Variants in TTLL7 observed in about 807,000 individuals in gnomAD.
The protein encoded by TTLL7 is tubulin tyrosine ligase like 7, also known as tubulin polyglutamylase TTLL7.
TTLL7 carries 53 observed loss-of-function variants against 120.2 expected under a neutral mutation model. That is an observed-to-expected ratio of 0.44 (90% CI 0.35 to 0.55). TTLL7 has a LOEUF of 0.55. TTLL7 is among the 20% of genes least tolerant of loss of function. The pLI, the probability that TTLL7 is intolerant of heterozygous loss-of-function variation, is 0.00. For synonymous variants in TTLL7, 353 were observed against 351.7 expected (o/e 1.00, Z -0.04); for missense variants, 803 against 1,054.7 (o/e 0.76, Z 3.31).
At chr1:83,893,515 G>T (rs1188189650) in intron 18 of TTLL7, among the ~76,000 whole-genome samples, 1 of 144,744 alleles carries the variant, frequency 6.9e-6, no homozygotes. Context: ...AAGATGAAAA[G>T]GGAAAAAGAC....
At chr1:83,915,964 T>C (rs1052940258) in intron 14 of TTLL7, among the ~76,000 whole-genome samples, 1 of 152,172 alleles carries the variant, frequency 6.6e-6, no homozygotes, top group African/African-American at 2.4e-5. Flanking sequence ...CCAGTTAGAA[T>C]GGCCATCAGT....
chr1:83,899,431 C>T (rs1318730264), intron 18 of TTLL7, among the ~76,000 whole-genome samples: 1 of 151,916 alleles, frequency 6.6e-6, no homozygotes, highest in Non-Finnish European at 1.5e-5. Context: ...CATTCCTCAG[C>T]GACTTTCAGG....
At chr1:83,920,264 G>T (rs1363253579) in intron 12 of TTLL7, among the ~76,000 whole-genome samples, 1 of 152,060 alleles carries the variant, frequency 6.6e-6, no homozygotes, top group East Asian at 1.9e-4. Flanking sequence ...GAAATGGTTG[G>T]GGAAGAATGG....
chr1:83,952,139 T>G (rs773336571), intron 2 of TTLL7, 48 bp downstream of exon 2: 1 of 1,562,252 alleles, frequency 6.4e-7, no homozygotes, highest in South Asian at 1.1e-5. Flanking sequence ...ACAGTAATGA[T>G]GTATAACACC....
intron 1 of TTLL7, among the ~76,000 whole-genome samples, chr1:83,982,396 GA>G (rs1291578893): frequency 3.3e-5 from 5 of 151,344 alleles, no homozygotes; most frequent in African/African-American, 9.7e-5. Flanking sequence ...AAAGTAGACA[GA>G]AAAAAAACTT....
chr1:83,978,622 A>G (rs1223141213), intron 1 of TTLL7, among the ~76,000 whole-genome samples: 1 of 152,182 alleles, frequency 6.6e-6, no homozygotes, highest in Non-Finnish European at 1.5e-5. Flanking sequence ...TATCTTTGTA[A>G]CTGATTTTTA....
At chr1:83,897,184 C>A (rs974721286) in intron 18 of TTLL7, among the ~76,000 whole-genome samples, 1 of 151,950 alleles carries the variant, frequency 6.6e-6, no homozygotes, top group African/African-American at 2.4e-5. Context: ...AGCTTTACAA[C>A]AGGCTAATAA....
chr1:83,907,599 C>T lies in TTLL7; in HGVS notation c.1849G>A (p.Asp617Asn). The T allele has an allele frequency of 6.2e-7, 1 of 1,613,144 alleles. No individual in the cohort carries two copies. The highest frequency in any genetic ancestry group is 8.5e-7 in the Non-Finnish European group (1 of 1,179,524). ...TGTTGAGCAGAAAATGGGCGGGTGTCCCCACTGGAAGGTGATTGAGCAGAG... is the reference window on the plus strand; with the variant it reads ...TGTTGAGCAGAAAATGGGCGGGTGTTCCCACTGGAAGGTGATTGAGCAGAG... ...SISAQSPSSG[D>N]TRPFSAQQMI... Residue 617 changes from aspartate to asparagine, a missense_variant, in exon 16 of 21, where the codon GAC becomes AAC. Physicochemically the swap from Asp to Asn is conservative, Grantham distance 23. Coordinates refer to ENST00000260505, the MANE Select transcript of TTLL7 (RefSeq NM_024686.6).
chr1:83,904,301 A>C (rs41300333), intron 17 of TTLL7, 142 bp from the exon 18 acceptor site: 9,736 of 623,088 alleles, frequency 0.016, 121 homozygotes, highest in Non-Finnish European at 0.02. Context: ...TTTCTAATAC[A>C]AATTAAAGAA....
At chr1:83,996,792 G>A (rs1653521489) in intron 1 of TTLL7, among the ~76,000 whole-genome samples, 1 of 151,896 alleles carries the variant, frequency 6.6e-6, no homozygotes, top group Non-Finnish European at 1.5e-5. Context: ...TCTCAGTGAT[G>A]TCATCTAAGT....
intron 14 of TTLL7, among the ~76,000 whole-genome samples, chr1:83,915,680 G>C (rs1658092478): frequency 6.6e-6 from 1 of 151,854 alleles, no homozygotes; most frequent in Non-Finnish European, 1.5e-5. Flanking sequence ...CACAGCAAAA[G>C]AAACTACTAT....
intron 8 of TTLL7, 70 bp from the exon 9 acceptor site, chr1:83,933,836 G>A (rs1247218216): frequency 1.3e-6 from 2 of 1,484,152 alleles, no homozygotes; most frequent in Admixed American, 2.0e-5. Flanking sequence ...TATAACCGGG[G>A]CCCACAAACT....
At chr1:83,895,622 G>A (rs554956240) in intron 18 of TTLL7, among the ~76,000 whole-genome samples, 1 of 152,212 alleles carries the variant, frequency 6.6e-6, no homozygotes, top group South Asian at 2.1e-4. Context: ...TAGGGGTTAT[G>A]AAAATTTTTT....
At position 83,892,952 on chromosome 1, in the gene TTLL7, A is replaced by AAGAAAGAAAGAAAGAAAGAAAGAAAG. The variant is rs143741135; in HGVS notation, c.2209-2472_2209-2471insCTTTCTTTCTTTCTTTCTTTCTTTCT. 2.5e-3 allele frequency among the ~76,000 whole-genome samples: 328 copies of AAGAAAGAAAGAAAGAAAGAAAGAAAG among 129,054 alleles called. 6 individuals are homozygous for AAGAAAGAAAGAAAGAAAGAAAGAAAG. Among genetic ancestry groups the AAGAAAGAAAGAAAGAAAGAAAGAAAG allele is most frequent in the African/African-American group, 0.011 (315 of 29,864 alleles). 84.7% of individuals were successfully genotyped at this position (129,054 alleles called of 152,430 possible). ...AGAGAAAGAAAGAAAGAAAGAAAGA[A>AAGAAAGAAAGAAAGAAAGAAAGAAAG]AAGAATAAAAGAAAGAAAGAGAAAA... On this transcript the variant is annotated intron_variant, in intron 18 of 20. Transcript: ENST00000260505.
chr1:83,870,208 T>C, intron 20 of TTLL7, 126 bp from the exon 21 acceptor site: 1 of 859,866 alleles, frequency 1.2e-6, no homozygotes, highest in Non-Finnish European at 1.7e-6. Flanking sequence ...ATGCAATTCA[T>C]ATAAAAAGAT....
intron 9 of TTLL7, among the ~76,000 whole-genome samples, chr1:83,932,617 T>G (rs1283037963): frequency 6.6e-6 from 1 of 152,048 alleles, no homozygotes; most frequent in African/African-American, 2.4e-5. Flanking sequence ...TAGAAAAGTG[T>G]CATTTCTTTG....
chr1:83,913,357 A>G (rs1489824678), intron 14 of TTLL7, among the ~76,000 whole-genome samples: 3 of 152,206 alleles, frequency 2.0e-5, no homozygotes, highest in Non-Finnish European at 4.4e-5. Flanking sequence ...TTTTACTGCA[A>G]TTACTTTTGC....
At chr1:83,906,015 T>G (rs149808702) in intron 17 of TTLL7, among the ~76,000 whole-genome samples, 1 of 152,214 alleles carries the variant, frequency 6.6e-6, no homozygotes, top group East Asian at 1.9e-4. Flanking sequence ...TTTAACATGA[T>G]ATTTGATTAA....
intron 1 of TTLL7, among the ~76,000 whole-genome samples, chr1:83,965,277 G>A (rs1220531619): frequency 1.3e-5 from 2 of 152,086 alleles, no homozygotes; most frequent in East Asian, 3.9e-4. Flanking sequence ...GGAGGTGACT[G>A]TATCATGGGG....
Sources: allele counts gnomAD v4.1 joint callset (sites outside exome capture counted in the v4.1 genomes callset), GRCh38; gene constraint gnomAD v4.1.1; transcripts MANE v1.5; gene names NCBI Gene and HGNC (gene_info 2026-07-23, HGNC 2026-07-21).